Variants in MGAT4C observed in about 807,000 individuals in gnomAD.
MGAT4C encodes the protein MGAT4 family member C.
Under a neutral mutation model 40.1 loss-of-function variants are expected in MGAT4C, and 19 were observed. That is an observed-to-expected ratio of 0.47 (90% CI 0.33 to 0.70). The LOEUF is 0.70. Among genes scored for constraint, MGAT4C ranks in the 30% least tolerant of loss-of-function variants. The pLI is 0.02. For missense variants in MGAT4C, 491 were observed against 563.2 expected (o/e 0.87, Z 1.30); for synonymous variants, 181 against 187.1 (o/e 0.97, Z 0.27).
At chr12:86,590,454 C>T (rs1182307380) in intron 2 of MGAT4C, among the ~76,000 whole-genome samples, 1 of 151,806 alleles carries the variant, frequency 6.6e-6, no homozygotes, top group African/African-American at 2.4e-5. Flanking sequence ...CTTATATTTG[C>T]TGAAAAATGT....
chr12:86,304,788 A>G (rs1953894500), intron 4 of MGAT4C, among the ~76,000 whole-genome samples: 1 of 150,746 alleles, frequency 6.6e-6, no homozygotes, highest in Non-Finnish European at 1.5e-5. Context: ...TGAGAGGAGA[A>G]CGCCATATGG....
At chr12:86,823,387 A>T (rs1952740249) in intron 1 of MGAT4C, among the ~76,000 whole-genome samples, 1 of 151,272 alleles carries the variant, frequency 6.6e-6, no homozygotes, top group African/African-American at 2.4e-5. Flanking sequence ...ATTTAAAAAG[A>T]TTTGCCAAAT....
chr12:86,668,257 C>T (rs1490138945), intron 2 of MGAT4C, among the ~76,000 whole-genome samples: 1 of 152,134 alleles, frequency 6.6e-6, no homozygotes, highest in Non-Finnish European at 1.5e-5. Flanking sequence ...AATCAGGAAT[C>T]TACCAGAATC....
intron 2 of MGAT4C, among the ~76,000 whole-genome samples, chr12:86,651,873 T>C (rs1034150058): frequency 5.3e-5 from 8 of 151,794 alleles, no homozygotes; most frequent in African/African-American, 1.9e-4. Context: ...ACAGAAAATA[T>C]GTTAAGGATT....
At chr12:86,827,001 T>C (rs1400523806) in intron 1 of MGAT4C, among the ~76,000 whole-genome samples, 2 of 151,524 alleles carry the variant, frequency 1.3e-5, no homozygotes, top group Admixed American at 1.3e-4. Context: ...AATAACATGG[T>C]ACTTAATTTT....
At chr12:86,213,743 A>ATG (rs1216991417) in intron 1 of MGAT4C, among the ~76,000 whole-genome samples, 1 of 152,238 alleles carries the variant, frequency 6.6e-6, no homozygotes, top group African/African-American at 2.4e-5. Flanking sequence ...GCTAACAAAG[A>ATG]TGTTTGCCTG....
intron 1 of MGAT4C, among the ~76,000 whole-genome samples, chr12:86,808,671 T>A (rs1952410878): frequency 6.6e-6 from 1 of 152,002 alleles, no homozygotes; most frequent in Non-Finnish European, 1.5e-5. Flanking sequence ...GCCAATATCA[T>A]ACTGAATAGG....
At chr12:86,183,591 T>C (rs1269768676) in intron 1 of MGAT4C, among the ~76,000 whole-genome samples, 1 of 151,982 alleles carries the variant, frequency 6.6e-6, no homozygotes, top group African/African-American at 2.4e-5. Context: ...CATCATAAAT[T>C]GAGTGGTGTA....
intron 2 of MGAT4C, among the ~76,000 whole-genome samples, chr12:86,551,206 A>G (rs376838822): frequency 6.6e-6 from 1 of 151,990 alleles, no homozygotes; most frequent in East Asian, 1.9e-4. Context: ...CTAAGAAACA[A>G]CCCTTTAAGG....
At chr12:86,809,882 C>T (rs1952438041) in intron 1 of MGAT4C, among the ~76,000 whole-genome samples, 1 of 151,946 alleles carries the variant, frequency 6.6e-6, no homozygotes, top group Admixed American at 6.6e-5. Context: ...ATGGAATAAA[C>T]TTGTCTATGT....
intron 2 of MGAT4C, among the ~76,000 whole-genome samples, chr12:86,491,357 G>C (rs1318783653): frequency 6.6e-6 from 1 of 152,040 alleles, no homozygotes; most frequent in Admixed American, 6.6e-5. Context: ...AAGAATTTTA[G>C]ACCAATATCC....
At chr12:86,506,275 CA>C (rs1958471441) in intron 2 of MGAT4C, among the ~76,000 whole-genome samples, 1 of 152,070 alleles carries the variant, frequency 6.6e-6, no homozygotes, top group South Asian at 2.1e-4. Context: ...CCAGCTGATA[CA>C]AATAGAAAGA....
chr12:86,557,634 A>G (rs1478678223), intron 2 of MGAT4C, among the ~76,000 whole-genome samples: 2 of 152,196 alleles, frequency 1.3e-5, no homozygotes, highest in Non-Finnish European at 2.9e-5. Context: ...ATTACCAACA[A>G]ATAATTATAT....
intron 1 of MGAT4C, among the ~76,000 whole-genome samples, chr12:86,145,832 A>G (rs1016185953): frequency 1.3e-5 from 2 of 152,196 alleles, no homozygotes; most frequent in Non-Finnish European, 2.9e-5. Context: ...TTCTCCAAGT[A>G]TCCTTCACTA....
chr12:86,446,658 CATATATATATAT>C (rs34157468), intron 2 of MGAT4C, among the ~76,000 whole-genome samples: 25 of 35,324 alleles, frequency 7.1e-4, no homozygotes, highest in South Asian at 2.3e-3. Flanking sequence ...TCATGTAACT[CATATATATATAT>C]ATATATATAT....
At chr12:86,295,905 C>T (rs4842615) in intron 4 of MGAT4C, among the ~76,000 whole-genome samples, 124,301 of 145,630 alleles carry the variant, frequency 0.85, 53,130 homozygotes, top group East Asian at 0.95. Context: ...AGGGTGCCGA[C>T]TGGTTTGTTT....
At chr12:86,796,682 T>A (rs1413725144) in intron 1 of MGAT4C, among the ~76,000 whole-genome samples, 1 of 151,942 alleles carries the variant, frequency 6.6e-6, no homozygotes, top group Non-Finnish European at 1.5e-5. Context: ...GGTGTACCAG[T>A]TGTCAGCACA....
At chr12:86,246,322 A>T (rs752112182) in intron 1 of MGAT4C, among the ~76,000 whole-genome samples, 1 of 151,524 alleles carries the variant, frequency 6.6e-6, no homozygotes, top group Non-Finnish European at 1.5e-5. Context: ...AGTAGCTGGG[A>T]CTACAGGCGC....
At chr12:86,489,052 C>T (rs779361146) in intron 2 of MGAT4C, among the ~76,000 whole-genome samples, 39 of 152,046 alleles carry the variant, frequency 2.6e-4, no homozygotes, top group Non-Finnish European at 5.1e-4. Context: ...TTTTGCCAGT[C>T]GAATGTTGCC....
Sources: gnomAD v4.1 joint callset for allele counts (sites outside exome capture counted in the v4.1 genomes callset) on GRCh38, gnomAD v4.1.1 for gene constraint, MANE v1.5 for transcripts, NCBI Gene and HGNC (gene_info 2026-07-23, HGNC 2026-07-21) for gene names.